The following PECAM1 variants were observed in gnomAD, a reference collection of about 807,000 sequenced individuals.
PECAM1 encodes the protein platelet and endothelial cell adhesion molecule 1, also known as platelet endothelial cell adhesion molecule.
In PECAM1, 8 loss-of-function variants were observed where a neutral mutation model predicts 13.8. The observed-to-expected ratio is 0.58, with a 90% CI of 0.34 to 1.05. PECAM1 has a LOEUF of 1.05. Ranked by LOEUF, PECAM1 falls within the 50% of genes least tolerant of loss-of-function variation. PECAM1 has a pLI of 0.03. For missense variants in PECAM1, 304 were observed against 141.2 expected (o/e 2.15, Z -5.84); for synonymous variants, 136 against 52.6 (o/e 2.58, Z -6.86).
chr17:64,367,002 A>T (rs1319482877), intron 5 of PECAM1, among the ~76,000 whole-genome samples: 1 of 57,994 alleles, frequency 1.7e-5, no homozygotes, highest in South Asian at 2.2e-3. Flanking sequence ...CTGAAACTCC[A>T]TTTCAAAAAA....
chr17:64,351,204 T>C (rs2035715939), intron 11 of PECAM1, among the ~76,000 whole-genome samples: 1 of 152,076 alleles, frequency 6.6e-6, no homozygotes, highest in Non-Finnish European at 1.5e-5. Flanking sequence ...AAACAATATA[T>C]TTGCTCGTTT....
intron 14 of PECAM1, among the ~76,000 whole-genome samples, chr17:64,330,692 GA>G (rs574428547): frequency 6.4e-4 from 96 of 149,560 alleles, no homozygotes; most frequent in African/African-American, 2.3e-3. Context: ...GAAAACTATG[GA>G]AAGTAGGAAG....
intron 14 of PECAM1, among the ~76,000 whole-genome samples, chr17:64,337,017 AAGAG>A (rs1238198447): frequency 2.7e-4 from 41 of 152,132 alleles, no homozygotes; most frequent in African/African-American, 9.9e-4. Context: ...GAGAGAGAGA[AAGAG>A]AGAAAGAAAA....
intron 15 of PECAM1, 180 bp from the exon 16 acceptor site, chr17:64,324,025 A>G: frequency 1.2e-6 from 1 of 868,536 alleles, no homozygotes; most frequent in Non-Finnish European, 1.9e-6. Context: ...AGGAGTCCTC[A>G]GCACTACAGA....
At chr17:64,384,968 C>A (rs1042272321) in intron 2 of PECAM1, among the ~76,000 whole-genome samples, 8 of 152,144 alleles carry the variant, frequency 5.3e-5, no homozygotes, top group Non-Finnish European at 1.2e-4. Flanking sequence ...GCCTGTAGGT[C>A]TCACTATTTA....
chr17:64,362,275 T>C (rs932986918), intron 6 of PECAM1, among the ~76,000 whole-genome samples: 1 of 152,222 alleles, frequency 6.6e-6, no homozygotes, highest in Admixed American at 6.5e-5. Flanking sequence ...GCCCAGCTCC[T>C]GGTGGTCAAA....
At chr17:64,335,331 G>A (rs1293986852) in intron 14 of PECAM1, among the ~76,000 whole-genome samples, 1 of 151,848 alleles carries the variant, frequency 6.6e-6, no homozygotes, top group Non-Finnish European at 1.5e-5. Context: ...TGAGGCCGGG[G>A]GACAGAGGTT....
At chr17:64,353,325 ACACACACACACACACAACT>A in intron 10 of PECAM1, among the ~76,000 whole-genome samples, 147 bp downstream of exon 10, 1 of 151,770 alleles carries the variant, frequency 6.6e-6, no homozygotes, top group African/African-American at 2.4e-5. Context: ...ACACACACAC[ACACACACACACACACAACT>A]CACACACACA....
chr17:64,341,133 G>A (rs10853052), intron 14 of PECAM1, among the ~76,000 whole-genome samples: 72,298 of 149,002 alleles, frequency 0.49, 17,932 homozygotes, highest in Non-Finnish European at 0.52. Context: ...GTGTGGTGGC[G>A]GGCGCCTGTA....
Position 64,369,384 on chromosome 17 carries a change from C to T in PECAM1, c.967+366G>A, listed in dbSNP as rs2036187249. On this transcript the variant is annotated intron_variant, in intron 5 of 15. Coordinates refer to ENST00000563924, the MANE Select transcript of PECAM1 (RefSeq NM_000442.5). ...ATTAACCAGTGTTCAGAGTCTTACT[C>T]TGTACAAATCTCTCAGCTCATGCTT... is the stretch of plus-strand genomic sequence containing the variant. Among the ~76,000 whole-genome samples the T allele has an allele frequency of 3.3e-5, 5 of 152,270 alleles. No individual in the cohort carries two copies. The South Asian group carries it at 1.0e-3, about 32-fold the overall frequency.
Position 64,336,093 on chromosome 17 carries a change from G to A in PECAM1, c.2164+5541C>T, listed in dbSNP as rs896841299. Among the ~76,000 whole-genome samples the A allele has an allele frequency of 6.5e-3, 992 of 151,742 alleles. 14 individuals are homozygous for A. Among genetic ancestry groups the A allele is most frequent in the African/African-American group, 0.022 (918 of 41,368 alleles). ...AGCCTGACCAATATGGTGAAACACC[G>A]TCTCTACTAAAAATACAAAAAAAAT... On this transcript the variant is annotated intron_variant, in intron 14 of 15. Coordinates refer to ENST00000563924, the MANE Select transcript of PECAM1 (RefSeq NM_000442.5).
chr17:64,350,809 C>T (rs2035704961), intron 11 of PECAM1, among the ~76,000 whole-genome samples: 2 of 151,904 alleles, frequency 1.3e-5, no homozygotes, highest in Admixed American at 1.3e-4. Flanking sequence ...GTGATCCTCC[C>T]ACCTCAGCCT....
chr17:64,326,762 A>ACACC, intron 15 of PECAM1, among the ~76,000 whole-genome samples: 1 of 152,320 alleles, frequency 6.6e-6, no homozygotes, highest in East Asian at 1.9e-4. Flanking sequence ...GCTCACATCC[A>ACACC]AGGTCTGGGC....
chr17:64,371,307 T>A (rs963049759), intron 4 of PECAM1, among the ~76,000 whole-genome samples: 129,412 of 152,150 alleles, frequency 0.85, 58,056 homozygotes, highest in East Asian at 1. Context: ...AAACTTATCA[T>A]AAAACTCAAA....
intron 4 of PECAM1, among the ~76,000 whole-genome samples, chr17:64,372,795 G>A (rs894133672): frequency 6.6e-6 from 1 of 151,758 alleles, no homozygotes; most frequent in African/African-American, 2.4e-5. Context: ...GAGCCACCAT[G>A]CCTGGCCTCA....
chr17:64,364,203 C>CAT (rs2036050415), intron 5 of PECAM1, among the ~76,000 whole-genome samples: 1 of 152,134 alleles, frequency 6.6e-6, no homozygotes, highest in Non-Finnish European at 1.5e-5. Flanking sequence ...CACCTCTAAG[C>CAT]AAATAAACTA....
At chr17:64,368,704 A>C (rs1310874806) in intron 5 of PECAM1, among the ~76,000 whole-genome samples, 1 of 151,594 alleles carries the variant, frequency 6.6e-6, no homozygotes, top group Admixed American at 6.6e-5. Context: ...ACAAAAAGTT[A>C]GCAGGGCATG....
At chr17:64,367,550 CAAAAAAA>C in intron 5 of PECAM1, among the ~76,000 whole-genome samples, 1 of 97,766 alleles carries the variant, frequency 1.0e-5, no homozygotes, top group African/African-American at 5.0e-5. Context: ...AACTCCATCT[CAAAAAAA>C]AAAAAAAAAA....
intron 10 of PECAM1, among the ~76,000 whole-genome samples, 162 bp from the exon 11 acceptor site, chr17:64,352,625 A>AT (rs1477272591): frequency 3.3e-5 from 5 of 150,752 alleles, no homozygotes; most frequent in Non-Finnish European, 7.4e-5. Context: ...GAAAACAAAT[A>AT]TTTTTTGGCA....
Sources: gnomAD v4.1 joint callset for allele counts (sites outside exome capture counted in the v4.1 genomes callset) on GRCh38, gnomAD v4.1.1 for gene constraint, MANE v1.5 for transcripts, NCBI Gene and HGNC (gene_info 2026-07-23, HGNC 2026-07-21) for gene names.